RB1: variants seen among roughly 807,000 people sequenced by gnomAD.
RB1 encodes the protein retinoblastoma-associated protein.
RB1 carries 18 observed loss-of-function variants against 135.4 expected under a neutral mutation model. That is an observed-to-expected ratio of 0.13 (90% CI 0.09 to 0.20). The LOEUF (loss-of-function observed/expected upper bound fraction) is 0.20. Ranked by LOEUF, RB1 falls within the 10% of genes least tolerant of loss-of-function variation. RB1 has a pLI of 1.00. For synonymous variants in RB1, 365 were observed against 373.2 expected (o/e 0.98, Z 0.25); for missense variants, 868 against 1,110.0 (o/e 0.78, Z 3.10).
chr13:48,450,869 T>C (rs1949322778), intron 17 of RB1, among the ~76,000 whole-genome samples: 1 of 152,158 alleles, frequency 6.6e-6, no homozygotes, highest in South Asian at 2.1e-4. Flanking sequence ...AGCAGTGGTT[T>C]GTGGTTGTTG....
chr13:48,322,206 C>T (rs1468341112), intron 2 of RB1, among the ~76,000 whole-genome samples: 2 of 152,160 alleles, frequency 1.3e-5, no homozygotes, highest in Admixed American at 1.3e-4. Flanking sequence ...CCTCCATGTC[C>T]ACCTGTGTTG....
Position 48,392,941 on chromosome 13 carries a change from T to A in RB1, c.1695+11498T>A, listed in dbSNP as rs144842158. Among the ~76,000 whole-genome samples, 846 of 152,338 alleles carry A rather than the reference T, an allele frequency of 5.6e-3. 5 individuals carry two copies. The highest frequency in any genetic ancestry group is 0.01 in the Middle Eastern group (3 of 294). On this transcript the variant is annotated intron_variant, in intron 17 of 26. Coordinates refer to ENST00000267163, the MANE Select transcript of RB1 (RefSeq NM_000321.3). ...TTATCTGGAAATAATTTGACTTTTTTAAGGCTTCATTTATTTATTTATCTG... is the reference window on the plus strand; with the variant it reads ...TTATCTGGAAATAATTTGACTTTTTAAAGGCTTCATTTATTTATTTATCTG...
chr13:48,446,980 G>A (rs1949292283), intron 17 of RB1, among the ~76,000 whole-genome samples: 1 of 152,152 alleles, frequency 6.6e-6, no homozygotes, highest in East Asian at 1.9e-4. Context: ...TAGAAGTATG[G>A]AAACCAGTTT....
At chr13:48,309,047 A>G (rs926962438) in intron 2 of RB1, among the ~76,000 whole-genome samples, 1 of 152,126 alleles carries the variant, frequency 6.6e-6, no homozygotes, top group Non-Finnish European at 1.5e-5. Flanking sequence ...CAACTTTTTG[A>G]TGCTATAAAA....
chr13:48,374,386 T>G (rs1178438724), intron 12 of RB1, among the ~76,000 whole-genome samples: 2 of 152,308 alleles, frequency 1.3e-5, no homozygotes, highest in East Asian at 3.9e-4. Flanking sequence ...TCAGGAGACT[T>G]ATTAAAATTT....
intron 17 of RB1, among the ~76,000 whole-genome samples, chr13:48,429,713 A>T (rs559126785): frequency 6.6e-6 from 1 of 152,320 alleles, no homozygotes; most frequent in Non-Finnish European, 1.5e-5. Flanking sequence ...TTTCCTGCTT[A>T]GCTTTTTAAA....
At chr13:48,367,366 G>T in intron 9 of RB1, 128 bp from the exon 10 acceptor site, 1 of 981,856 alleles carries the variant, frequency 1.0e-6, no homozygotes. Context: ...TATTGCATGC[G>T]AACTCAGTGT....
At chr13:48,312,811 C>T (rs1431591947) in intron 2 of RB1, among the ~76,000 whole-genome samples, 1 of 151,958 alleles carries the variant, frequency 6.6e-6, no homozygotes, top group East Asian at 1.9e-4. Context: ...GTTTTAGTGC[C>T]TCTTTCTGAC....
chr13:48,436,452 G>A (rs1463850059), intron 17 of RB1, among the ~76,000 whole-genome samples: 3 of 152,168 alleles, frequency 2.0e-5, no homozygotes, highest in Admixed American at 6.5e-5. Context: ...AGACCAGCCT[G>A]GCCAACATGG....
chr13:48,373,642 A>G (rs1952787256), intron 12 of RB1, 150 bp downstream of exon 12: 1 of 574,026 alleles, frequency 1.7e-6, no homozygotes, highest in Non-Finnish European at 3.1e-6. Flanking sequence ...AATCTTACAA[A>G]TTATATATTA....
At chr13:48,363,397 A>AT (rs1336860011) in intron 8 of RB1, among the ~76,000 whole-genome samples, 1 of 152,030 alleles carries the variant, frequency 6.6e-6, no homozygotes, top group Admixed American at 6.6e-5. Flanking sequence ...CAAAATACAT[A>AT]TTTAAAAAAA....
intron 17 of RB1, chr13:48,391,344 T>C (rs1304314881): frequency 2.0e-5 from 3 of 152,218 alleles, no homozygotes; most frequent in Non-Finnish European, 4.4e-5. Context: ...CAATTATCTC[T>C]TAAAGAGAAT....
At chr13:48,393,638 A>G (rs1289476321) in intron 17 of RB1, among the ~76,000 whole-genome samples, 1 of 152,200 alleles carries the variant, frequency 6.6e-6, no homozygotes, top group African/African-American at 2.4e-5. Context: ...ATGTACACTT[A>G]CAGAATATTT....
chr13:48,480,676 T>TA lies in RB1; in HGVS notation c.*609dup. 4.4e-6 allele frequency: 1 copy of TA among 225,976 alleles called. No homozygotes were observed. The allele number at this position is 225,976 out of a possible 1,614,324, so 14.0% of individuals were successfully genotyped here. A position where few individuals can be genotyped will look rare whatever the true frequency, so the allele number is the denominator to read the frequency against. On this transcript the variant is annotated 3_prime_UTR_variant, in exon 27 of 27. Transcript: ENST00000267163. ...TCTGATATACTGTGTGCTTGTTTTA[T>TA]AAAATTTTGCTTTTAATTAAATAAA...
At position 48,320,195 on chromosome 13, in the gene RB1, C is replaced by T. The variant is rs913402560; in HGVS notation, c.264+12789C>T. The T allele has an allele frequency of 8.5e-6, 8 of 941,132 alleles. No individual in the cohort carries two copies. The African/African-American group carries it at 1.3e-4, about 16-fold the overall frequency. 58.3% of individuals were successfully genotyped at this position (941,132 alleles called of 1,614,324 possible). A position where few individuals can be genotyped will look rare whatever the true frequency, so the allele number is the denominator to read the frequency against. ...TCAAAGTCAGCAACAAGACCACAGG[C>T]AGGCAATGCGGGCTGCTCCTTGTGC... On this transcript the variant is annotated intron_variant, in intron 2 of 26. Transcript: ENST00000267163.
chr13:48,364,503 A>T (rs1952674601), intron 8 of RB1, among the ~76,000 whole-genome samples: 1 of 152,236 alleles, frequency 6.6e-6, no homozygotes, highest in Non-Finnish European at 1.5e-5. Context: ...TATATATAGT[A>T]CATATACAAA....
chr13:48,356,864 TCTATAGCTTTTATA>T (rs915320403), intron 6 of RB1, among the ~76,000 whole-genome samples: 2 of 152,092 alleles, frequency 1.3e-5, no homozygotes, highest in African/African-American at 4.8e-5. Flanking sequence ...AGGAATCATG[TCTATAGCTTTTATA>T]CTTGAAGGAC....
intron 16 of RB1, 48 bp from the exon 17 acceptor site, chr13:48,381,199 T>C (rs1432528523): frequency 2.6e-6 from 4 of 1,541,562 alleles, no homozygotes; most frequent in Non-Finnish European, 3.5e-6. Context: ...AATACCTAGC[T>C]CAAGGGTTAA....
intron 23 of RB1, among the ~76,000 whole-genome samples, chr13:48,471,704 T>A (rs1221195094): frequency 6.6e-6 from 1 of 152,182 alleles, no homozygotes; most frequent in Admixed American, 6.5e-5. Context: ...CAAAACACTT[T>A]TATATTTTTT....
Sources: allele counts gnomAD v4.1 joint callset (sites outside exome capture counted in the v4.1 genomes callset), GRCh38; gene constraint gnomAD v4.1.1; transcripts MANE v1.5; gene names NCBI Gene and HGNC (gene_info 2026-07-23, HGNC 2026-07-21).